Variants in PCSK1 observed in about 807,000 individuals in gnomAD.
PCSK1 encodes neuroendocrine convertase 1.
PCSK1 carries 56 observed loss-of-function variants against 90.6 expected under a neutral mutation model. The observed-to-expected ratio is 0.62, with a 90% CI of 0.50 to 0.77. The LOEUF (loss-of-function observed/expected upper bound fraction) is 0.77, where lower values mean the gene tolerates loss of function less well. PCSK1 is among the 30% of genes least tolerant of loss of function. The probability of loss-of-function intolerance (pLI) is 0.00; values close to 1 mark genes in which losing one functional copy is unlikely to be tolerated. For missense variants in PCSK1, 801 were observed against 932.6 expected (o/e 0.86, Z 1.84); for synonymous variants, 348 against 342.4 (o/e 1.02, Z -0.18).
chr5:96,409,877 G>A (rs1042507210), intron 8 of PCSK1, among the ~76,000 whole-genome samples: 1 of 152,214 alleles, frequency 6.6e-6, no homozygotes, highest in African/African-American at 2.4e-5. Flanking sequence ...GCTTGCAGAA[G>A]TGATCCTGTA....
rs183045011 is a variant in PCSK1 at position 96,416,038 on chromosome 5, A to G, written c.704T>C (p.Val235Ala). ...CGVGVAYNSK[V>A]GGIRMLDGIV... is the part of the protein sequence containing the mutation. Reference sequence around the variant, plus strand: ...GGGACAATCCTCTGTTTTACCTCCAACTTTGGAATTGTATGCAACTCCAAC... The same window carrying G: ...GGGACAATCCTCTGTTTTACCTCCAGCTTTGGAATTGTATGCAACTCCAAC... Residue 235 changes from valine to alanine, a missense_variant, in exon 6 of 14, where the codon GTT becomes GCT. Coordinates refer to ENST00000311106, the MANE Select transcript of PCSK1 (RefSeq NM_000439.5). 4.1e-5 allele frequency: 66 copies of G among 1,602,566 alleles called. No homozygotes were observed. In the East Asian group the frequency reaches 1.3e-3, roughly 33 times the overall value.
In PCSK1 at chr5:96,430,153, A is replaced by G. The variant is rs1761447313; in HGVS notation, c.181-836T>C. On this transcript the variant is annotated intron_variant, in intron 1 of 13. Transcript: ENST00000311106. ...AGGCTTTCAGAAAAGAACATGCTAC[A>G]TTTAGGGCAGTTGTCCCACTTTAGA... 2.0e-5 allele frequency among the ~76,000 whole-genome samples: 3 copies of G among 152,194 alleles called. No homozygotes were observed. The South Asian group carries it at 6.2e-4, about 32-fold the overall frequency.
chr5:96,426,766 G>C (rs1048801692), intron 2 of PCSK1, among the ~76,000 whole-genome samples: 1 of 152,100 alleles, frequency 6.6e-6, no homozygotes, highest in South Asian at 2.1e-4. Flanking sequence ...TCAGTGTGTG[G>C]TGGAATATTG....
chr5:96,411,071 T>C, intron 7 of PCSK1, 85 bp from the exon 8 acceptor site: 1 of 964,472 alleles, frequency 1.0e-6, no homozygotes, highest in South Asian at 1.3e-5. Context: ...AACGACTACA[T>C]GTGTGAAATT....
At position 96,400,059 on chromosome 5, in the gene PCSK1, C is replaced by G. The variant is rs761336991; in HGVS notation, c.1324G>C (p.Gly442Arg). 1 of 1,614,162 alleles carries G rather than the reference C, an allele frequency of 6.2e-7. No homozygotes were observed. The highest frequency in any genetic ancestry group is 8.5e-7 in the Non-Finnish European group (1 of 1,179,998). Reference sequence around the variant, plus strand: ...ACCAGAGCTTTGGCATTTAGCAAGCCAAATCCAAATCGACTATTCACCATC... The same window carrying G: ...ACCAGAGCTTTGGCATTTAGCAAGCGAAATCCAAATCGACTATTCACCATC... ...GLMVNSRFGF[G>R]LLNAKALVDL... The change falls in exon 10 of 14, where the codon GGC (glycine) becomes CGC (arginine). Residue 442 changes from glycine (G) to arginine (R), a missense_variant. Gly to Arg is a moderately radical substitution (Grantham distance 125, BLOSUM62 -2). Coordinates refer to ENST00000311106, the MANE Select transcript of PCSK1 (RefSeq NM_000439.5).
At chr5:96,409,515 T>C (rs148231011) in intron 8 of PCSK1, among the ~76,000 whole-genome samples, 1 of 152,312 alleles carries the variant, frequency 6.6e-6, no homozygotes, top group East Asian at 1.9e-4. Context: ...CAGCTGTCTC[T>C]CCTAAGGCTG....
intron 6 of PCSK1, 31 bp from the exon 7 acceptor site, chr5:96,412,521 AG>A: frequency 6.3e-7 from 1 of 1,596,026 alleles, no homozygotes; most frequent in Non-Finnish European, 8.6e-7. Context: ...AGACACACAA[AG>A]GTTGATGTCA....
At chr5:96,411,101 G>C in intron 7 of PCSK1, 115 bp from the exon 8 acceptor site, 2 of 823,096 alleles carry the variant, frequency 2.4e-6, no homozygotes, top group Non-Finnish European at 4.2e-6. Context: ...AGCTATTTGG[G>C]ATCTATTTTC....
At chr5:96,425,980 G>A (rs1761295015) in intron 2 of PCSK1, 50 bp from the exon 3 acceptor site, 1 of 1,014,654 alleles carries the variant, frequency 9.9e-7, no homozygotes, top group African/African-American at 1.6e-5. Context: ...ATCTACCTCT[G>A]TATACTTCCT....
chr5:96,418,153 C>T (rs1453820595), intron 5 of PCSK1, among the ~76,000 whole-genome samples: 2 of 152,208 alleles, frequency 1.3e-5, no homozygotes, highest in African/African-American at 4.8e-5. Context: ...TACAAATATG[C>T]ATTGACATGT....
At chr5:96,419,764 G>A (rs1158707602) in intron 5 of PCSK1, among the ~76,000 whole-genome samples, 2 of 151,660 alleles carry the variant, frequency 1.3e-5, no homozygotes, top group African/African-American at 2.4e-5. Flanking sequence ...CCCTGAGTCA[G>A]GGAAATTATA....
intron 11 of PCSK1, among the ~76,000 whole-genome samples, chr5:96,397,931 A>G (rs1300060406): frequency 3.3e-5 from 5 of 151,736 alleles, no homozygotes; most frequent in Non-Finnish European, 5.9e-5. Flanking sequence ...TTATTATGCA[A>G]TCATTAATAA....
chr5:96,425,060 GA>G (rs1436376720), intron 3 of PCSK1, among the ~76,000 whole-genome samples: 2 of 126,498 alleles, frequency 1.6e-5, no homozygotes, highest in Admixed American at 1.5e-4. Flanking sequence ...AAGAAAGAAA[GA>G]AAGAAAGAAA....
intron 13 of PCSK1, 137 bp from the exon 14 acceptor site, chr5:96,393,515 G>A (rs1404262482): frequency 5.9e-6 from 6 of 1,019,226 alleles, no homozygotes; most frequent in African/African-American, 1.6e-5. Flanking sequence ...TCAAGACTGG[G>A]AGCCACATGG....
At chr5:96,423,198 C>T in intron 4 of PCSK1, 115 bp downstream of exon 4, 1 of 1,000,200 alleles carries the variant, frequency 1.0e-6, no homozygotes, top group Non-Finnish European at 1.5e-6. Context: ...AACCTTGGCC[C>T]ATAATCCCAG....
At chr5:96,405,739 C>G (rs775108205) in intron 9 of PCSK1, among the ~76,000 whole-genome samples, 37 of 152,252 alleles carry the variant, frequency 2.4e-4, no homozygotes, top group South Asian at 2.1e-4. Context: ...GAAAAAGAAG[C>G]CTTGAGGTTT....
chr5:96,425,643 C>A (rs71528508), intron 3 of PCSK1, among the ~76,000 whole-genome samples, 177 bp downstream of exon 3: 4 of 151,948 alleles, frequency 2.6e-5, no homozygotes, highest in Middle Eastern at 3.4e-3. Flanking sequence ...AACATCCTTA[C>A]TCAGCAAAAC....
intron 5 of PCSK1, among the ~76,000 whole-genome samples, chr5:96,421,108 A>C (rs1761113611): frequency 6.6e-6 from 1 of 152,208 alleles, no homozygotes; most frequent in Admixed American, 6.5e-5. Flanking sequence ...GAGGGTCCAC[A>C]TGCCTAGAGC....
At chr5:96,395,267 G>A (rs1363243232) in intron 12 of PCSK1, among the ~76,000 whole-genome samples, 1 of 152,198 alleles carries the variant, frequency 6.6e-6, no homozygotes, top group Non-Finnish European at 1.5e-5. Flanking sequence ...CTCTATGTAA[G>A]TCTTCTTTTC....
Sources: gnomAD v4.1 joint callset for allele counts (sites outside exome capture counted in the v4.1 genomes callset) on GRCh38, gnomAD v4.1.1 for gene constraint, MANE v1.5 for transcripts, NCBI Gene and HGNC (gene_info 2026-07-23, HGNC 2026-07-21) for gene names.